Variants in KCNH7 observed in about 807,000 individuals in gnomAD.
KCNH7 encodes the protein potassium voltage-gated channel subfamily H member 7.
A neutral mutation model predicts 120.8 loss-of-function variants in KCNH7; 49 were observed. The ratio of observed to expected loss-of-function variants is 0.41; its 90% confidence interval spans 0.32 to 0.51. The LOEUF is 0.51. KCNH7 is among the 20% of genes least tolerant of loss of function. The pLI is 0.38. For synonymous variants in KCNH7, 547 were observed against 516.1 expected (o/e 1.06, Z -0.81); for missense variants, 1,097 against 1,446.6 (o/e 0.76, Z 3.92).
At chr2:162,452,883 G>A (rs776603893) in intron 6 of KCNH7, among the ~76,000 whole-genome samples, 15 of 151,728 alleles carry the variant, frequency 9.9e-5, no homozygotes, top group South Asian at 4.2e-4. Flanking sequence ...TTTAATATTC[G>A]TTTCTAGGAA....
chr2:162,465,811 T>C (rs1558959949), intron 6 of KCNH7, among the ~76,000 whole-genome samples: 1 of 152,192 alleles, frequency 6.6e-6, no homozygotes, highest in Non-Finnish European at 1.5e-5. Context: ...ATTTTTTCTC[T>C]ATGAATTTTT....
intron 2 of KCNH7, among the ~76,000 whole-genome samples, chr2:162,635,502 G>A (rs2105225913): frequency 6.6e-6 from 1 of 151,992 alleles, no homozygotes; most frequent in Non-Finnish European, 1.5e-5. Context: ...TATGTGTTTA[G>A]TCCAGATTTT....
intron 2 of KCNH7, among the ~76,000 whole-genome samples, chr2:162,675,501 T>C (rs1288593705): frequency 6.6e-6 from 1 of 151,562 alleles, no homozygotes; most frequent in East Asian, 1.9e-4. Flanking sequence ...ATTGGATAAA[T>C]TGTAGTGTAT....
chr2:162,482,506 T>A (rs1689962351), intron 6 of KCNH7, among the ~76,000 whole-genome samples: 1 of 152,104 alleles, frequency 6.6e-6, no homozygotes, highest in Non-Finnish European at 1.5e-5. Flanking sequence ...AGCGAGTTCA[T>A]GTGGGTGATA....
chr2:162,384,809 C>T lies in KCNH7; in HGVS notation c.2841G>A (p.Pro947=), dbSNP rs375210957. 88 of 1,612,698 alleles carry T rather than the reference C, an allele frequency of 5.5e-5. No individual in the cohort carries two copies. The highest frequency in any genetic ancestry group is 5.3e-4 in the African/African-American group (40 of 74,814). ...FISSIDDEQK[P]LFSGIVDSSP... is the part of the protein sequence containing the mutation. ...AAGAGTCTACTATTCCTGAGAAGAG[C>T]GGCTTTTGTTCATCATCAATGGAGG... is the stretch of plus-strand genomic sequence containing the variant. Residue 947 remains proline, a synonymous_variant, in exon 13 of 16, where the codon CCG becomes CCA. Coordinates refer to ENST00000332142, the MANE Select transcript of KCNH7 (RefSeq NM_033272.4).
At chr2:162,816,776 A>G (rs1194843298) in intron 2 of KCNH7, among the ~76,000 whole-genome samples, 1 of 152,210 alleles carries the variant, frequency 6.6e-6, no homozygotes, top group African/African-American at 2.4e-5. Context: ...CAGTATGAGT[A>G]GCCCTGATTT....
chr2:162,629,526 C>T (rs1683686852), intron 2 of KCNH7, among the ~76,000 whole-genome samples: 1 of 152,102 alleles, frequency 6.6e-6, no homozygotes, highest in African/African-American at 2.4e-5. Flanking sequence ...TAGTGTTCTT[C>T]AAGTTCAGCT....
intron 2 of KCNH7, among the ~76,000 whole-genome samples, chr2:162,686,063 G>T (rs889597962): frequency 6.6e-6 from 1 of 152,028 alleles, no homozygotes; most frequent in Non-Finnish European, 1.5e-5. Context: ...AATAAAGTGG[G>T]AAAGTGTATT....
chr2:162,471,328 G>T (rs1335471133), intron 6 of KCNH7, among the ~76,000 whole-genome samples: 1 of 151,730 alleles, frequency 6.6e-6, no homozygotes. Context: ...ATTTTAACAA[G>T]CATCTAAAAT....
At chr2:162,642,531 C>T (rs927790985) in intron 2 of KCNH7, among the ~76,000 whole-genome samples, 7 of 152,144 alleles carry the variant, frequency 4.6e-5, no homozygotes, top group Non-Finnish European at 8.8e-5. Flanking sequence ...ACAGTACTTC[C>T]ACAGGAAAAG....
intron 2 of KCNH7, among the ~76,000 whole-genome samples, chr2:162,555,989 A>G (rs777357785): frequency 6.8e-4 from 103 of 152,124 alleles, no homozygotes; most frequent in Non-Finnish European, 1.4e-3. Flanking sequence ...TATTATTAAT[A>G]AATTAGAACA....
chr2:162,716,639 A>C (rs941320709), intron 2 of KCNH7, among the ~76,000 whole-genome samples: 2 of 152,132 alleles, frequency 1.3e-5, no homozygotes, highest in Middle Eastern at 3.2e-3. Context: ...CAATAAGTGA[A>C]GATATCATTG....
chr2:162,647,303 G>GTT (rs1248641653), intron 2 of KCNH7, among the ~76,000 whole-genome samples: 6 of 152,226 alleles, frequency 3.9e-5, no homozygotes, highest in South Asian at 2.1e-4. Context: ...GTTCCAGTGT[G>GTT]TTTTGTGGGA....
intron 2 of KCNH7, among the ~76,000 whole-genome samples, chr2:162,738,899 T>A (rs918936603): frequency 2.0e-5 from 3 of 152,222 alleles, no homozygotes; most frequent in African/African-American, 7.2e-5. Flanking sequence ...ATGTTTTTTA[T>A]AGGCAGGGCA....
At chr2:162,745,254 G>A (rs957060448) in intron 2 of KCNH7, among the ~76,000 whole-genome samples, 7 of 152,082 alleles carry the variant, frequency 4.6e-5, no homozygotes, top group Non-Finnish European at 1.0e-4. Context: ...GCCATTTGTC[G>A]ATTCAATCTC....
intron 3 of KCNH7, among the ~76,000 whole-genome samples, chr2:162,532,056 C>T (rs1574070862): frequency 1.3e-5 from 2 of 151,764 alleles, no homozygotes. Context: ...CTCATGGACC[C>T]CTATATAAAC....
At chr2:162,491,888 G>T (rs1307852566) in intron 6 of KCNH7, among the ~76,000 whole-genome samples, 5 of 152,222 alleles carry the variant, frequency 3.3e-5, no homozygotes, top group Middle Eastern at 3.4e-3. Flanking sequence ...GGGAAAAAAA[G>T]CCTTCTTTTT....
At chr2:162,672,744 C>T (rs7562233) in intron 2 of KCNH7, among the ~76,000 whole-genome samples, 50,073 of 151,706 alleles carry the variant, frequency 0.33, 13,445 homozygotes, top group African/African-American at 0.73. Flanking sequence ...TGATGAATTA[C>T]TACACAGAAT....
intron 2 of KCNH7, among the ~76,000 whole-genome samples, chr2:162,708,200 T>A (rs1403598460): frequency 6.6e-6 from 1 of 152,030 alleles, no homozygotes; most frequent in African/African-American, 2.4e-5. Context: ...AACAATATAT[T>A]GTCAAATAAA....
Sources: allele counts gnomAD v4.1 joint callset (sites outside exome capture counted in the v4.1 genomes callset), GRCh38; gene constraint gnomAD v4.1.1; transcripts MANE v1.5; gene names NCBI Gene and HGNC (gene_info 2026-07-23, HGNC 2026-07-21).